Variants in NHSL1 observed in about 807,000 individuals in gnomAD.
NHSL1 encodes NHS-like protein 1.
NHSL1 carries 48 observed loss-of-function variants against 95.0 expected under a neutral mutation model. The ratio of observed to expected loss-of-function variants is 0.51; its 90% CI spans 0.40 to 0.64. The LOEUF is 0.64. Ranked by LOEUF, NHSL1 falls within the 30% of genes least tolerant of loss-of-function variation. NHSL1 has a pLI of 0.00. For synonymous variants in NHSL1, 783 were observed against 833.9 expected (o/e 0.94, Z 1.05); for missense variants, 1,971 against 2,077.7 (o/e 0.95, Z 1.00).
intron 1 of NHSL1, among the ~76,000 whole-genome samples, chr6:138,670,431 C>T (rs929454583): frequency 1.3e-5 from 2 of 151,136 alleles, no homozygotes; most frequent in African/African-American, 4.9e-5. Context: ...CTTTGGGAGG[C>T]CGAGGCGGGC....
chr6:138,681,499 G>A (rs1366651517), intron 1 of NHSL1, among the ~76,000 whole-genome samples: 1 of 152,226 alleles, frequency 6.6e-6, no homozygotes, highest in African/African-American at 2.4e-5. Context: ...AGGCTATGGA[G>A]TCAGGCTGCC....
intron 7 of NHSL1, among the ~76,000 whole-genome samples, chr6:138,425,063 C>T (rs1775172686): frequency 6.6e-6 from 1 of 151,452 alleles, no homozygotes; most frequent in South Asian, 2.1e-4. Context: ...GACCTTATCT[C>T]TATTCAAAAA....
intron 1 of NHSL1, among the ~76,000 whole-genome samples, chr6:138,599,847 A>G (rs1784349275): frequency 6.6e-6 from 1 of 152,128 alleles, no homozygotes; most frequent in Non-Finnish European, 1.5e-5. Flanking sequence ...TACCTTTAAA[A>G]TGAAGCAGGC....
intron 1 of NHSL1, among the ~76,000 whole-genome samples, chr6:138,581,161 C>T (rs924502372): frequency 3.3e-5 from 5 of 152,154 alleles, no homozygotes; most frequent in African/African-American, 1.2e-4. Context: ...TTTAGAGCAG[C>T]CGTAGGAAAC....
At chr6:138,641,067 C>T (rs1463427732) in intron 1 of NHSL1, among the ~76,000 whole-genome samples, 1 of 152,194 alleles carries the variant, frequency 6.6e-6, no homozygotes, top group Non-Finnish European at 1.5e-5. Context: ...AAGATTCTTG[C>T]CCCCCTTAGT....
At chr6:138,677,665 C>T (rs944936179) in intron 1 of NHSL1, among the ~76,000 whole-genome samples, 1 of 152,154 alleles carries the variant, frequency 6.6e-6, no homozygotes, top group African/African-American at 2.4e-5. Flanking sequence ...CCAAGCAGAG[C>T]CCACATGCTA....
chr6:138,428,206 A>AT (rs1258962495), intron 7 of NHSL1, among the ~76,000 whole-genome samples: 13 of 152,254 alleles, frequency 8.5e-5, no homozygotes, highest in African/African-American at 3.1e-4. Context: ...GATGGCTATT[A>AT]TAAATAGACA....
rs1466067826 is a variant in NHSL1 at position 138,515,842 on chromosome 6, A to C, written c.17-19471T>G. On this transcript the variant is annotated intron_variant, in intron 1 of 4. Coordinates refer to the NHSL1 transcript ENST00000342260. ...CGTTTGCTAGAGGAAAACAGATATG[A>C]AACACATTCCAACTCAACAAGAGGG... is the stretch of plus-strand genomic sequence containing the variant. Among the ~76,000 whole-genome samples the C allele has an allele frequency of 2.0e-5, 3 of 152,202 alleles. No homozygotes were observed. The East Asian group carries it at 5.8e-4, about 29-fold the overall frequency.
intron 1 of NHSL1, among the ~76,000 whole-genome samples, chr6:138,622,526 T>C (rs904294781): frequency 2.6e-5 from 4 of 151,966 alleles, no homozygotes; most frequent in Non-Finnish European, 4.4e-5. Flanking sequence ...GGTTCCCACG[T>C]GGGGGTGTTT....
At chr6:138,461,996 C>A (rs1240819020) in intron 3 of NHSL1, among the ~76,000 whole-genome samples, 1 of 152,138 alleles carries the variant, frequency 6.6e-6, no homozygotes, top group Non-Finnish European at 1.5e-5. Flanking sequence ...TGGGACACAG[C>A]AGGGCATTAC....
At chr6:138,639,344 T>A (rs987841867) in intron 1 of NHSL1, among the ~76,000 whole-genome samples, 19 of 152,090 alleles carry the variant, frequency 1.2e-4, no homozygotes, top group Non-Finnish European at 2.5e-4. Context: ...TTTTTTTTTT[T>A]AAGTTGATGT....
Position 138,433,573 on chromosome 6 carries a change from C to T in NHSL1, c.772G>A (p.Glu258Lys). The T allele has an allele frequency of 6.4e-7, 1 of 1,552,056 alleles. No individual in the cohort carries two copies. The highest frequency in any genetic ancestry group is 8.7e-7 in the Non-Finnish European group (1 of 1,147,070). Reference sequence around the variant, plus strand: ...GTCTGACAGCTGGAGTCCCTGGTTTCTGAGCGCTGCCCAGCAGACCGACAG... The same window carrying T: ...GTCTGACAGCTGGAGTCCCTGGTTTTTGAGCGCTGCCCAGCAGACCGACAG... ...NSCRSAGQRS[E>K]TRDSSCQTED... is the part of the protein sequence containing the mutation. Residue 258 changes from glutamate to lysine, a missense_variant, in exon 6 of 8, where the codon GAA becomes AAA. This residue lies in a region of NHSL1 where 1,602 missense variants were observed against 1,654.5 expected (regional missense o/e 0.97). Transcript: ENST00000343505.
At chr6:138,671,553 T>C (rs141887495) in intron 1 of NHSL1, among the ~76,000 whole-genome samples, 1 of 151,608 alleles carries the variant, frequency 6.6e-6, no homozygotes, top group African/African-American at 2.4e-5. Context: ...AGGAAGTCTC[T>C]AGGATGACAG....
chr6:138,496,476 A>C (rs1780361324), intron 1 of NHSL1, 105 bp from the exon 2 acceptor site: 8 of 1,108,358 alleles, frequency 7.2e-6, no homozygotes, highest in Non-Finnish European at 9.3e-6. Flanking sequence ...GGTAAGGGCC[A>C]GCAAGGGAGC....
At chr6:138,464,095 G>T in intron 3 of NHSL1, 1 of 473,222 alleles carries the variant, frequency 2.1e-6, no homozygotes, top group Non-Finnish European at 3.9e-6. Context: ...CCGCGCACGA[G>T]GTCAGGTGTT....
At chr6:138,478,352 A>C (rs572928353) in intron 2 of NHSL1, among the ~76,000 whole-genome samples, 81 of 152,238 alleles carry the variant, frequency 5.3e-4, no homozygotes, top group African/African-American at 1.9e-3. Flanking sequence ...CTAAGATAAG[A>C]CTAGACAATA....
intron 5 of NHSL1, among the ~76,000 whole-genome samples, chr6:138,434,940 C>T (rs1175298718): frequency 3.9e-5 from 6 of 152,210 alleles, no homozygotes; most frequent in African/African-American, 1.4e-4. Context: ...AGGATCCCAG[C>T]ATAAAGCCTT....
intron 7 of NHSL1, among the ~76,000 whole-genome samples, chr6:138,429,176 A>G (rs1394465853): frequency 1.3e-5 from 2 of 152,248 alleles, no homozygotes; most frequent in African/African-American, 4.8e-5. Flanking sequence ...ATTAACAAGC[A>G]TAAGTCATTC....
intron 3 of NHSL1, among the ~76,000 whole-genome samples, chr6:138,472,434 C>G (rs941610016): frequency 6.6e-6 from 1 of 152,004 alleles, no homozygotes; most frequent in African/African-American, 2.4e-5. Flanking sequence ...TTTTGATCAA[C>G]TATTATTTTA....
Sources: allele counts gnomAD v4.1 joint callset (sites outside exome capture counted in the v4.1 genomes callset), GRCh38; gene constraint gnomAD v4.1.1; regional missense constraint gnomAD v4.1.1; transcripts MANE v1.5; gene names NCBI Gene and HGNC (gene_info 2026-07-23, HGNC 2026-07-21).